CENPF: variants seen among roughly 807,000 people sequenced by gnomAD.
The protein encoded by CENPF is centromere protein F, also known as AH antigen.
CENPF carries 214 observed loss-of-function variants against 307.3 expected under a neutral mutation model. The observed-to-expected ratio is 0.70, with a 90% CI of 0.62 to 0.78. CENPF has a LOEUF of 0.78. Among genes scored for constraint, CENPF ranks in the 30% least tolerant of loss-of-function variants. The probability of loss-of-function intolerance (pLI) is 0.00; values close to 1 mark genes in which losing one functional copy is unlikely to be tolerated. For synonymous variants in CENPF, 1,259 were observed against 1,270.6 expected (o/e 0.99, Z 0.19); for missense variants, 3,401 against 3,483.9 (o/e 0.98, Z 0.60).
intron 10 of CENPF, among the ~76,000 whole-genome samples, chr1:214,633,913 C>G (rs1657879087): frequency 6.6e-6 from 1 of 152,232 alleles, no homozygotes; most frequent in South Asian, 2.1e-4. Context: ...TGTGAGCTTC[C>G]CTTTCAGCCA....
chr1:214,611,553 A>T (rs935397614), intron 1 of CENPF, among the ~76,000 whole-genome samples: 3 of 151,932 alleles, frequency 2.0e-5, no homozygotes, highest in Non-Finnish European at 4.4e-5. Flanking sequence ...TTTAGTAGAG[A>T]TGGGGTTTCA....
chr1:214,645,896 C>T lies in CENPF; in HGVS notation c.6326C>T (p.Ser2109Leu). 2 of 1,613,984 alleles carry T rather than the reference C, an allele frequency of 1.2e-6. No individual in the cohort carries two copies. The highest frequency in any genetic ancestry group is 1.7e-6 in the Non-Finnish European group (2 of 1,180,008). ...EKGEFALRLSSTQEEVHQLRR... is the reference protein window; with the variant it reads ...EKGEFALRLSLTQEEVHQLRR... ...GGTGAGTTCGCATTGAGGCTGAGCT[C>T]AACACAGGAGGAAGTGCATCAGCTG... Residue 2109 changes from serine (S) to leucine (L), a missense_variant, in exon 13 of 20, where the codon TCA becomes TTA. Coordinates refer to ENST00000366955, the MANE Select transcript of CENPF (RefSeq NM_016343.4).
rs767547548 is a variant in CENPF, at chr1:214,658,894, C to A, written c.9007C>A (p.Arg3003=). 10 of 1,613,958 alleles carry A rather than the reference C, an allele frequency of 6.2e-6. 1 individual carries two copies. The African/African-American group carries it at 1.2e-4, about 19-fold the overall frequency. ...AGGAAAGACTAGCCCATATATCCTG[C>A]GAAGAACAACCATGGCAACTCGGAC... The part of the protein sequence containing the change: ...PTGKTSPYIL[R]RTTMATRTSP... Residue 3003 remains arginine, a synonymous_variant, in exon 19 of 20, where the codon CGA becomes AGA. Transcript: ENST00000366955.
rs750767091 is a variant in CENPF at position 214,656,942 on chromosome 1, T to C, written c.8495T>C (p.Met2832Thr). 7.5e-6 allele frequency: 12 copies of C among 1,604,196 alleles called. No individual in the cohort carries two copies. The highest frequency in any genetic ancestry group is 5.6e-5 in the South Asian group (5 of 89,880). Residue 2832 changes from methionine to threonine, a missense_variant, in exon 18 of 20, where the codon ATG becomes ACG. Coordinates refer to ENST00000366955, the MANE Select transcript of CENPF (RefSeq NM_016343.4). Reference protein sequence around the residue: ...AQEKQKTGTVMDTKVDELTTE... With the variant: ...AQEKQKTGTVTDTKVDELTTE... ...GCTTTACTTTGGACAGGTACTGTTA[T>C]GGATACCAAGGTCGATGAATTAACA...
intron 7 of CENPF, among the ~76,000 whole-genome samples, chr1:214,624,993 G>A (rs994591651): frequency 6.6e-6 from 1 of 151,948 alleles, no homozygotes; most frequent in Non-Finnish European, 1.5e-5. Context: ...TGGGATTGCT[G>A]TGTCTTGGTG....
intron 7 of CENPF, 125 bp downstream of exon 7, chr1:214,622,406 T>C (rs1657533111): frequency 1.2e-6 from 1 of 821,526 alleles, no homozygotes; most frequent in Admixed American, 3.1e-5. Flanking sequence ...TATTAGGTAC[T>C]CTTGATGCAA....
intron 1 of CENPF, chr1:214,606,151 G>T (rs1657024105): frequency 1.4e-6 from 2 of 1,441,674 alleles, no homozygotes; most frequent in East Asian, 4.9e-5. Context: ...GGGCGTCCCC[G>T]GGCCCAGCTC....
At chr1:214,621,358 C>T (rs1657501563) in intron 6 of CENPF, among the ~76,000 whole-genome samples, 1 of 152,144 alleles carries the variant, frequency 6.6e-6, no homozygotes, top group Non-Finnish European at 1.5e-5. Flanking sequence ...TGTGCCCTGC[C>T]AGGTTGTCCA....
rs968626938 is a variant in CENPF, at chr1:214,663,900, A to C, written c.*106A>C. On this transcript the variant is annotated 3_prime_UTR_variant, in exon 20 of 20. Transcript: ENST00000366955. The stretch of plus-strand genomic sequence containing the variant: ...CAGGGCATGCTTTATTAGTGAGGAG[A>C]AAACAATTCCTTAGAAGTCTTAAAT... 4 of 830,780 alleles carry C rather than the reference A, an allele frequency of 4.8e-6. No homozygotes were observed. Among genetic ancestry groups the C allele is most frequent in the Non-Finnish European group, 5.6e-6 (3 of 537,624 alleles). 51.5% of individuals were successfully genotyped at this position (830,780 alleles called of 1,614,324 possible). A position where few individuals can be genotyped will look rare whatever the true frequency, so the allele number is the denominator to read the frequency against.
At chr1:214,660,380 G>A (rs972786712) in intron 19 of CENPF, among the ~76,000 whole-genome samples, 9 of 152,020 alleles carry the variant, frequency 5.9e-5, no homozygotes, top group Non-Finnish European at 1.0e-4. Context: ...ACTCACATTC[G>A]GATTTAACTT....
chr1:214,631,382 G>A (rs1657803559), intron 9 of CENPF, among the ~76,000 whole-genome samples: 1 of 151,994 alleles, frequency 6.6e-6, no homozygotes, highest in Non-Finnish European at 1.5e-5. Flanking sequence ...ATATCACGGG[G>A]CAGGTATCTT....
chr1:214,650,486 C>G (rs1470864222), intron 14 of CENPF, among the ~76,000 whole-genome samples: 1 of 152,016 alleles, frequency 6.6e-6, no homozygotes, highest in Non-Finnish European at 1.5e-5. Context: ...CCTGGAGGAA[C>G]TCTAGCACAC....
In CENPF at chr1:214,645,193, G is replaced by T; in HGVS notation, c.5623G>T (p.Asp1875Tyr). 1 of 1,614,014 alleles carries T rather than the reference G, an allele frequency of 6.2e-7. No individual in the cohort carries two copies. The change falls in exon 13 of 20, where the codon GAT becomes TAT. Residue 1875 changes from aspartate to tyrosine, a missense_variant. Transcript: ENST00000366955. ...CAATTCTGATTTAGAAATGCATGCA[G>T]ATAAATCATCACGTGAAGATATTGG... ...GLNSDLEMHA[D>Y]KSSREDIGDN...
chr1:214,617,139 C>T (rs1414437266), intron 3 of CENPF, among the ~76,000 whole-genome samples: 1 of 151,800 alleles, frequency 6.6e-6, no homozygotes, highest in African/African-American at 2.4e-5. Context: ...GCAACCTCCG[C>T]CTCCTGGGTT....
At position 214,608,628 on chromosome 1, in the gene CENPF, C is replaced by G. The variant is rs180811596; in HGVS notation, c.-41-5086C>G. 6.9e-6 allele frequency: 11 copies of G among 1,605,424 alleles called. No individual in the cohort carries two copies. The South Asian group carries it at 1.1e-4, about 16-fold the overall frequency. ...GGCTGTACTGGAAGTCGGCGCGCTC[C>G]GTCAGGTGCAGCTTCCAGCGCCCGG... On this transcript the variant is annotated intron_variant, in intron 1 of 19. Coordinates refer to ENST00000366955, the MANE Select transcript of CENPF (RefSeq NM_016343.4).
At position 214,640,619 on chromosome 1, in the gene CENPF, G is replaced by A. The variant is rs543143141; in HGVS notation, c.2281G>A (p.Glu761Lys). The change falls in exon 12 of 20, where the codon GAG becomes AAG. Residue 761 changes from glutamate (E) to lysine (K), a missense_variant. By Grantham distance (56) the Glu-to-Lys change is moderately conservative. Coordinates refer to ENST00000366955, the MANE Select transcript of CENPF (RefSeq NM_016343.4). Reference protein sequence around the residue: ...RCYQDLHAEYESLRDLLKSKD... With the variant: ...RCYQDLHAEYKSLRDLLKSKD... ...TTACCAAGACTTGCATGCCGAATAT[G>A]AGAGCCTCAGGGATCTGCTAAAATC... is the stretch of plus-strand genomic sequence containing the variant. 6.2e-7 allele frequency: 1 copy of A among 1,613,996 alleles called. No homozygotes were observed. The highest frequency in any genetic ancestry group is 1.3e-5 in the African/African-American group (1 of 74,932).
At chr1:214,633,052 T>C (rs1657851440) in intron 10 of CENPF, among the ~76,000 whole-genome samples, 1 of 152,000 alleles carries the variant, frequency 6.6e-6, no homozygotes, top group East Asian at 1.9e-4. Flanking sequence ...TGGAAAGTCA[T>C]AGATTTAAAT....
intron 3 of CENPF, among the ~76,000 whole-genome samples, chr1:214,616,861 CTTTCTTTCTTTCTTTCTT>C (rs1657359992): frequency 2.1e-5 from 1 of 48,772 alleles, no homozygotes; most frequent in Non-Finnish European, 4.3e-5. Context: ...TTCTTTCTTT[CTTTCTTTCTTTCTTTCTT>C]TCTTTCTTTC....
At chr1:214,662,008 A>G (rs1352655370) in intron 19 of CENPF, among the ~76,000 whole-genome samples, 1 of 152,170 alleles carries the variant, frequency 6.6e-6, no homozygotes, top group Admixed American at 6.5e-5. Context: ...TCAAATCCAC[A>G]GTTTAAATTC....
Sources: gnomAD v4.1 joint callset for allele counts (sites outside exome capture counted in the v4.1 genomes callset) on GRCh38, gnomAD v4.1.1 for gene constraint, MANE v1.5 for transcripts, NCBI Gene and HGNC (gene_info 2026-07-23, HGNC 2026-07-21) for gene names.